DNAH5: variants seen among roughly 807,000 people sequenced by gnomAD.
DNAH5 encodes dynein axonemal heavy chain 5, also known as axonemal beta dynein heavy chain 5.
Under a neutral mutation model 518.2 loss-of-function variants are expected in DNAH5, and 372 were observed. That is an observed-to-expected ratio of 0.72 (90% CI 0.66 to 0.78). The LOEUF (loss-of-function observed/expected upper bound fraction) is 0.78, where lower values mean the gene tolerates loss of function less well. Among genes scored for constraint, DNAH5 ranks in the 30% least tolerant of loss-of-function variants. DNAH5 has a pLI of 0.00. For missense variants in DNAH5, 5,523 were observed against 5,687.0 expected (o/e 0.97, Z 0.93); for synonymous variants, 2,039 against 2,025.9 (o/e 1.01, Z -0.17).
chr5:13,804,329 A>G (rs1008353285), intron 47 of DNAH5, among the ~76,000 whole-genome samples: 1 of 152,226 alleles, frequency 6.6e-6, no homozygotes, highest in African/African-American at 2.4e-5. Flanking sequence ...AGATGAAAAC[A>G]ACCTGTGAAG....
chr5:13,821,040 A>C (rs1335723984), intron 40 of DNAH5, among the ~76,000 whole-genome samples: 1 of 152,152 alleles, frequency 6.6e-6, no homozygotes, highest in African/African-American at 2.4e-5. Context: ...AATGATTAAA[A>C]TGTAAATTTT....
In DNAH5 at chr5:13,784,612, A is replaced by G. The variant is rs16902762; in HGVS notation, c.8820+1567T>C. On this transcript the variant is annotated intron_variant, in intron 52 of 78. Coordinates refer to ENST00000265104, the MANE Select transcript of DNAH5 (RefSeq NM_001369.3). ...AATGGTTGACTAGATAACCTCTAAA[A>G]CCCCCTCCGTTTGTAGATTCAGTAA... Among the ~76,000 whole-genome samples the G allele has an allele frequency of 7.1e-3, 1,079 of 151,610 alleles. 11 individuals are homozygous for G. The highest frequency in any genetic ancestry group is 0.025 in the African/African-American group (1,017 of 41,314).
intron 42 of DNAH5, among the ~76,000 whole-genome samples, chr5:13,816,093 G>A (rs1761411019): frequency 6.6e-6 from 1 of 152,190 alleles, no homozygotes; most frequent in South Asian, 2.1e-4. Flanking sequence ...GCGATCAACT[G>A]TGCCGAATGC....
At chr5:13,834,304 ACC>A (rs1318403526) in intron 35 of DNAH5, among the ~76,000 whole-genome samples, 30 of 152,206 alleles carry the variant, frequency 2.0e-4, no homozygotes, top group Non-Finnish European at 2.6e-4. Flanking sequence ...AAACTATGAT[ACC>A]TATATGTGAA....
intron 32 of DNAH5, 86 bp from the exon 33 acceptor site, chr5:13,841,990 A>G: frequency 1.2e-6 from 1 of 823,584 alleles, no homozygotes; most frequent in Non-Finnish European, 2.0e-6. Context: ...CTTCCCAAAG[A>G]AAGTAAAGCT....
At chr5:13,968,576 T>A (rs1321089730) in intron 1 of DNAH5, among the ~76,000 whole-genome samples, 1 of 152,230 alleles carries the variant, frequency 6.6e-6, no homozygotes, top group African/African-American at 2.4e-5. Context: ...GATGATCATG[T>A]GATTTTTCTT....
intron 40 of DNAH5, among the ~76,000 whole-genome samples, chr5:13,821,790 T>A (rs1174268896): frequency 6.6e-6 from 1 of 152,202 alleles, no homozygotes; most frequent in Admixed American, 6.6e-5. Context: ...TTAGCTTTTT[T>A]ATATTTTTAT....
At chr5:13,868,874 TG>T (rs1252010834) in intron 24 of DNAH5, among the ~76,000 whole-genome samples, 7 of 152,184 alleles carry the variant, frequency 4.6e-5, no homozygotes. Flanking sequence ...TGTGTGTGTC[TG>T]GGGGTATGAA....
intron 1 of DNAH5, among the ~76,000 whole-genome samples, chr5:13,951,367 C>T (rs1199795221): frequency 2.0e-5 from 3 of 148,466 alleles, no homozygotes; most frequent in Non-Finnish European, 4.5e-5. Flanking sequence ...CAGGTGTGCA[C>T]CACCAGATTC....
In DNAH5 at chr5:13,714,387, A is replaced by T; in HGVS notation, c.13125+18T>A. The T allele has an allele frequency of 6.2e-7, 1 of 1,613,550 alleles. No individual in the cohort carries two copies. Among genetic ancestry groups the T allele is most frequent in the Non-Finnish European group, 8.5e-7 (1 of 1,179,462 alleles). On this transcript the variant is annotated intron_variant, in intron 75 of 78. Coordinates refer to ENST00000265104, the MANE Select transcript of DNAH5 (RefSeq NM_001369.3). ...ATGCAACCCCAGCTGACATTTTGTC[A>T]GGATTTCATCAACTCACTTCAAAGG...
At chr5:13,846,990 A>G (rs568692971) in intron 31 of DNAH5, among the ~76,000 whole-genome samples, 9 of 152,316 alleles carry the variant, frequency 5.9e-5, no homozygotes, top group African/African-American at 2.2e-4. Context: ...TCCTTACAGT[A>G]GCCCGGTCTG....
chr5:13,849,945 A>C (rs2151882036), intron 31 of DNAH5, among the ~76,000 whole-genome samples: 1 of 152,310 alleles, frequency 6.6e-6, no homozygotes, highest in East Asian at 1.9e-4. Context: ...CCCGCAGTGC[A>C]CAGGACAAGC....
chr5:13,883,541 G>A (rs766426244), intron 19 of DNAH5, among the ~76,000 whole-genome samples: 3 of 152,170 alleles, frequency 2.0e-5, no homozygotes, highest in Non-Finnish European at 2.9e-5. Context: ...CTACCATGGT[G>A]TGTAAAATCC....
At chr5:13,822,781 G>A (rs1456048826) in intron 40 of DNAH5, among the ~76,000 whole-genome samples, 1 of 152,064 alleles carries the variant, frequency 6.6e-6, no homozygotes, top group Non-Finnish European at 1.5e-5. Flanking sequence ...TAGTGTGGTG[G>A]GTTCCCCCAC....
chr5:13,793,792 G>T (rs962614325), intron 48 of DNAH5, 64 bp from the exon 49 acceptor site: 1 of 1,578,880 alleles, frequency 6.3e-7, no homozygotes, highest in African/African-American at 1.4e-5. Context: ...CTAACTCCTT[G>T]AGTGTTTCCA....
chr5:13,904,547 G>A (rs1282702463), intron 12 of DNAH5, among the ~76,000 whole-genome samples: 1 of 151,348 alleles, frequency 6.6e-6, no homozygotes, highest in East Asian at 1.9e-4. Context: ...ATGTGTGTGT[G>A]TGTGTTTGTA....
Position 13,992,580 on chromosome 5 carries a change from A to T in DNAH5, c.12+19068T>A, listed in dbSNP as rs117429563. Among the ~76,000 whole-genome samples, 1,258 of 152,316 alleles carry T rather than the reference A, an allele frequency of 8.3e-3. 11 individuals are homozygous for T. Among genetic ancestry groups the T allele is most frequent in the South Asian group, 0.029 (142 of 4,826 alleles). ...GCCAGTGGCCTAAAAACCTGACTTT[A>T]AAAGTCTAGTTTTCAGAAACTCCAC... is the stretch of plus-strand genomic sequence containing the variant. On this transcript the variant is annotated intron_variant, in intron 1 of 78. Transcript: ENST00000681290.
At chr5:13,839,824 CA>C (rs1317846558) in intron 34 of DNAH5, among the ~76,000 whole-genome samples, 1 of 152,224 alleles carries the variant, frequency 6.6e-6, no homozygotes, top group Non-Finnish European at 1.5e-5. Flanking sequence ...TTCACCCTGA[CA>C]TGCCTAATGC....
rs907843260 is a variant in DNAH5 at position 13,691,157 on chromosome 5, T to C, written c.*827A>G. The C allele has an allele frequency of 6.6e-6, 1 of 152,214 alleles. No individual in the cohort carries two copies. Among genetic ancestry groups the C allele is most frequent in the Non-Finnish European group, 1.5e-5 (1 of 68,034 alleles). The allele number at this position is 152,214 out of a possible 1,614,324, so 9.4% of individuals were successfully genotyped here. A position where few individuals can be genotyped will look rare whatever the true frequency, so the allele number is the denominator to read the frequency against. Reference sequence around the variant, plus strand: ...ATTTTTTTCTGTTATTAAATGCAATTTTATATAGACTGTTTTCAGTCTTTT... The same window carrying C: ...ATTTTTTTCTGTTATTAAATGCAATCTTATATAGACTGTTTTCAGTCTTTT... On this transcript the variant is annotated 3_prime_UTR_variant, in exon 79 of 79. Coordinates refer to ENST00000265104, the MANE Select transcript of DNAH5 (RefSeq NM_001369.3).
Sources: gnomAD v4.1 joint callset for allele counts (sites outside exome capture counted in the v4.1 genomes callset) on GRCh38, gnomAD v4.1.1 for gene constraint, MANE v1.5 for transcripts, NCBI Gene and HGNC (gene_info 2026-07-23, HGNC 2026-07-21) for gene names.